The following PEX5 variants were observed in gnomAD, a reference collection of about 807,000 sequenced individuals.
PEX5 encodes the protein peroxisomal biogenesis factor 5, also known as PTS1 receptor.
Under a neutral mutation model 82.9 loss-of-function variants are expected in PEX5, and 52 were observed. The ratio of observed to expected loss-of-function variants is 0.63; its 90% CI spans 0.50 to 0.79. The LOEUF (loss-of-function observed/expected upper bound fraction) is 0.79. PEX5 is among the 30% of genes least tolerant of loss of function. PEX5 has a pLI of 0.00. For synonymous variants in PEX5, 300 were observed against 318.8 expected (o/e 0.94, Z 0.63); for missense variants, 719 against 815.2 (o/e 0.88, Z 1.44).
rs766780389 is a variant in PEX5, at chr12:7,208,682, G to A, written c.1394+13G>A. On this transcript the variant is annotated intron_variant, in intron 13 of 15. Transcript: ENST00000675855. The stretch of plus-strand genomic sequence containing the variant: ...CTCTCTTGTCTGAGTGAGTATGAGG[G>A]GTTCCTAGGATGAGGAATTACAGTA... 1.9e-5 allele frequency: 31 copies of A among 1,601,348 alleles called. No individual in the cohort carries two copies. Among genetic ancestry groups the A allele is most frequent in the Admixed American group, 5.0e-5 (3 of 59,974 alleles).
intron 9 of PEX5, 82 bp from the exon 10 acceptor site, chr12:7,203,350 T>C: frequency 4.7e-6 from 7 of 1,477,958 alleles, no homozygotes; most frequent in Non-Finnish European, 6.4e-6. Context: ...ACTGCTGCCT[T>C]AGAGAATCCC....
At position 7,197,606 on chromosome 12, in the gene PEX5, A is replaced by C. The variant is rs1049585196; in HGVS notation, c.449-1405A>C. 1.2e-3 allele frequency among the ~76,000 whole-genome samples: 81 copies of C among 67,850 alleles called. 3 individuals carry two copies. Among genetic ancestry groups the C allele is most frequent in the African/African-American group, 3.1e-3 (77 of 24,790 alleles). The allele number at this position is 67,850 out of a possible 152,430, so 44.5% of individuals were successfully genotyped here. A position where few individuals can be genotyped will look rare whatever the true frequency, so the allele number is the denominator to read the frequency against. ...TATTTATAATTAGGTGTATTCTGAGAGTCTTGATCTTTGTTTTTCACATTT... is the reference window on the plus strand; with the variant it reads ...TATTTATAATTAGGTGTATTCTGAGCGTCTTGATCTTTGTTTTTCACATTT... On this transcript the variant is annotated intron_variant, in intron 5 of 15. Transcript: ENST00000675855.
At chr12:7,195,299 C>T (rs1941886158) in intron 5 of PEX5, among the ~76,000 whole-genome samples, 1 of 152,148 alleles carries the variant, frequency 6.6e-6, no homozygotes. Flanking sequence ...GCAGTGCATC[C>T]CCTCTGTAGA....
intron 5 of PEX5, among the ~76,000 whole-genome samples, chr12:7,197,598 A>T (rs1942999368): frequency 9.8e-6 from 1 of 101,728 alleles, no homozygotes; most frequent in Non-Finnish European, 2.1e-5. Flanking sequence ...AATTAGGTGT[A>T]TTCTGAGAGT....
Position 7,203,493 on chromosome 12 carries a change from C to A in PEX5, c.908C>A (p.Ala303Asp). The A allele has an allele frequency of 6.2e-7, 1 of 1,613,898 alleles. No individual in the cohort carries two copies. The highest frequency in any genetic ancestry group is 8.5e-7 in the Non-Finnish European group (1 of 1,179,888). Residue 303 changes from alanine (A) to aspartate (D), a missense_variant, in exon 10 of 16, where the codon GCT (alanine) becomes GAT (aspartate). Ala to Asp is a moderately radical substitution (Grantham distance 126). Coordinates refer to ENST00000675855, the MANE Select transcript of PEX5 (RefSeq NM_001351132.2). ...TTGGAGGAGATGGCAAAACGGGATG[C>A]TGAGGCCCACCCCTGGCTTTCTGAC... ...AELEEMAKRD[A>D]EAHPWLSDYD... is the part of the protein sequence containing the mutation.
rs1166623941 is a variant in PEX5, at chr12:7,190,541, TGG to T, written c.147+18_147+19del. On this transcript the variant is annotated intron_variant, in intron 2 of 15. Transcript: ENST00000675855. ...TCTGAGGCAGTGAGTGTTCTTGAGG[TGG>T]AAAGCCCAGGTGCAGCCTCTGAGGC... 1 of 1,081,274 alleles carries T rather than the reference TGG, an allele frequency of 9.2e-7. No homozygotes were observed. Among genetic ancestry groups the T allele is most frequent in the African/African-American group, 3.1e-5 (1 of 32,174 alleles). 67.0% of individuals were successfully genotyped at this position (1,081,274 alleles called of 1,614,324 possible).
Position 7,209,045 on chromosome 12 carries a change from G to A in PEX5, c.1435G>A (p.Val479Met), listed in dbSNP as rs751226125. The A allele has an allele frequency of 1.2e-6, 2 of 1,614,136 alleles. No homozygotes were observed. Among genetic ancestry groups the A allele is most frequent in the Non-Finnish European group, 1.7e-6 (2 of 1,180,008 alleles). Residue 479 changes from valine to methionine, a missense_variant, in exon 14 of 16, where the codon GTG (valine) becomes ATG (methionine). By Grantham distance (21) the Val-to-Met change is conservative. Transcript: ENST00000675855. ...LEVKELFLAA[V>M]RLDPTSIDPD... ...AGTGAAAGAGCTCTTCCTGGCAGCT[G>A]TGCGGCTGGACCCTACCTCCATTGA... is the stretch of plus-strand genomic sequence containing the variant.
intron 5 of PEX5, among the ~76,000 whole-genome samples, chr12:7,196,028 A>ACATAT (rs1351681521): frequency 1.3e-5 from 1 of 79,524 alleles, no homozygotes; most frequent in African/African-American, 3.7e-5. Flanking sequence ...ATTATACATT[A>ACATAT]TATATTATAT....
At chr12:7,188,839 G>C (rs1940394062), upstream of PEX5, 1 of 152,388 alleles carries the variant, frequency 6.6e-6, no homozygotes, top group African/African-American at 2.4e-5. Flanking sequence ...GTTTCTCAAT[G>C]ACTTTGAGGT....
intron 14 of PEX5, 124 bp from the exon 15 acceptor site, chr12:7,209,559 T>C (rs1402435758): frequency 1.2e-6 from 1 of 821,308 alleles, no homozygotes; most frequent in African/African-American, 1.7e-5. Context: ...GGACGAAACA[T>C]GTTAGCTAAC....
chr12:7,217,464 A>C (rs1232042424), intron 17 of PEX5, among the ~76,000 whole-genome samples: 4 of 152,174 alleles, frequency 2.6e-5, no homozygotes, highest in Non-Finnish European at 5.9e-5. Context: ...GGTGGAGGAG[A>C]ATTCCTCAGT....
chr12:7,197,392 TTATA>T (rs1179229186), intron 5 of PEX5, among the ~76,000 whole-genome samples: 25 of 63,130 alleles, frequency 4.0e-4, no homozygotes, highest in Admixed American at 6.5e-4. Flanking sequence ...AATGTAATAA[TTATA>T]TATATGTCAT....
intron 14 of PEX5, 133 bp from the exon 15 acceptor site, chr12:7,209,550 G>A: frequency 8.8e-6 from 2 of 228,380 alleles, no homozygotes; most frequent in Non-Finnish European, 1.4e-5. Context: ...AATGGAATGG[G>A]ACGAAACATG....
At chr12:7,209,907 T>C (rs980462321) in intron 15 of PEX5, 67 bp downstream of exon 15, 2 of 1,604,542 alleles carry the variant, frequency 1.2e-6, no homozygotes, top group African/African-American at 2.7e-5. Flanking sequence ...TAGCTCCTTA[T>C]TCTTAGATCC....
chr12:7,189,781 C>A, intron 1 of PEX5, 31 bp downstream of exon 1: 1 of 151,956 alleles, frequency 6.6e-6, no homozygotes, highest in Non-Finnish European at 1.2e-5. Flanking sequence ...GGGCCCGGGG[C>A]CGCGTCCCTG....
chr12:7,212,226 A>T (rs775206007), downstream of PEX5, among the ~76,000 whole-genome samples: 1 of 151,938 alleles, frequency 6.6e-6, no homozygotes, highest in Non-Finnish European at 1.5e-5. Context: ...CGGCCTCCCA[A>T]AGTGCTGGGA....
Position 7,208,929 on chromosome 12 carries a change from A to G in PEX5, c.1395-76A>G, listed in dbSNP as rs575587108. On this transcript the variant is annotated intron_variant, in intron 13 of 15. Transcript: ENST00000675855. Reference sequence around the variant, plus strand: ...TGAATGTTGGGGATATGGTTGATCAATGAAGAAATTAATTTGGGGGGATGG... The same window carrying G: ...TGAATGTTGGGGATATGGTTGATCAGTGAAGAAATTAATTTGGGGGGATGG... 1.7e-3 allele frequency: 2,139 copies of G among 1,294,530 alleles called. 2 individuals are homozygous for G. Among genetic ancestry groups the G allele is most frequent in the Non-Finnish European group, 2.3e-3 (2,019 of 889,072 alleles). The allele number at this position is 1,294,530 out of a possible 1,614,324, so 80.2% of individuals were successfully genotyped here.
At position 7,210,327 on chromosome 12, in the gene PEX5, A is replaced by G; in HGVS notation, c.*104A>G. The G allele has an allele frequency of 9.3e-7, 1 of 1,078,800 alleles. No individual in the cohort carries two copies. Among genetic ancestry groups the G allele is most frequent in the Non-Finnish European group, 1.4e-6 (1 of 707,066 alleles). The allele number at this position is 1,078,800 out of a possible 1,614,324, so 66.8% of individuals were successfully genotyped here. ...CTACCAAGGGGGCGGGCTGATGACCATAAGCGGTACGGCCTTTCAGGAGCT... is the reference window on the plus strand; with the variant it reads ...CTACCAAGGGGGCGGGCTGATGACCGTAAGCGGTACGGCCTTTCAGGAGCT... On this transcript the variant is annotated 3_prime_UTR_variant, in exon 16 of 16. Coordinates refer to ENST00000675855, the MANE Select transcript of PEX5 (RefSeq NM_001351132.2).
chr12:7,211,931 G>GGGCACATTAGACTT (rs1490071978), downstream of PEX5, among the ~76,000 whole-genome samples: 1 of 150,182 alleles, frequency 6.7e-6, no homozygotes, highest in African/African-American at 2.5e-5. Context: ...AGATGTTTGT[G>GGGCACATTAGACTT]GGCACATTAG....
Sources: gnomAD v4.1 joint callset for allele counts (sites outside exome capture counted in the v4.1 genomes callset) on GRCh38, gnomAD v4.1.1 for gene constraint, MANE v1.5 for transcripts, NCBI Gene and HGNC (gene_info 2026-07-23, HGNC 2026-07-21) for gene names.